The following HGF variants were observed in gnomAD, a reference collection of about 807,000 sequenced individuals.
The protein encoded by HGF is fibroblast-derived tumor cytotoxic factor.
Under a neutral mutation model 111.6 loss-of-function variants are expected in HGF, and 39 were observed. The ratio of observed to expected loss-of-function variants is 0.35; its 90% CI spans 0.27 to 0.46. The LOEUF is 0.46. HGF is among the 20% of genes least tolerant of loss of function. The pLI is 1.00. For synonymous variants in HGF, 285 were observed against 294.8 expected (o/e 0.97, Z 0.34); for missense variants, 735 against 910.5 (o/e 0.81, Z 2.48).
intron 5 of HGF, among the ~76,000 whole-genome samples, chr7:81,749,856 A>G (rs1788419691): frequency 1.3e-5 from 2 of 152,170 alleles, no homozygotes; most frequent in South Asian, 4.1e-4. Flanking sequence ...TTTAAGCATA[A>G]TTACAAAAAT....
At chr7:81,702,809 T>C (rs568588146) in intron 17 of HGF, 52 bp from the exon 18 acceptor site, 29 of 1,454,760 alleles carry the variant, frequency 2.0e-5, no homozygotes, top group Non-Finnish European at 2.5e-5. Context: ...AAAAAAAAGC[T>C]CATTAACATA....
chr7:81,725,120 G>A (rs1181383515), intron 9 of HGF, among the ~76,000 whole-genome samples: 1 of 152,196 alleles, frequency 6.6e-6, no homozygotes, highest in East Asian at 1.9e-4. Context: ...TGCAGCCAGA[G>A]TGATCCAGTT....
intron 2 of HGF, among the ~76,000 whole-genome samples, chr7:81,762,116 T>C (rs1347432999): frequency 6.6e-6 from 1 of 152,188 alleles, no homozygotes; most frequent in Non-Finnish European, 1.5e-5. Flanking sequence ...ACAGGGACTG[T>C]CAAAAGACAT....
At chr7:81,729,473 G>T in intron 8 of HGF, 132 bp downstream of exon 8, 1 of 727,386 alleles carries the variant, frequency 1.4e-6, no homozygotes, top group Non-Finnish European at 2.5e-6. Context: ...GGTGTAATCT[G>T]CCTTTTAACT....
chr7:81,707,267 T>A (rs370927722), intron 14 of HGF, 23 bp downstream of exon 14: 12 of 1,369,340 alleles, frequency 8.8e-6, no homozygotes, highest in Non-Finnish European at 1.3e-5. Context: ...CTCAAAATAA[T>A]ACTAGTTTTA....
intron 17 of HGF, among the ~76,000 whole-genome samples, chr7:81,703,567 A>G (rs908063427): frequency 3.4e-5 from 5 of 148,980 alleles, no homozygotes; most frequent in African/African-American, 1.2e-4. Context: ...TCATATAAAT[A>G]TAATTATATA....
intron 9 of HGF, 46 bp from the exon 10 acceptor site, chr7:81,720,893 G>A (rs776090531): frequency 2.1e-6 from 2 of 975,204 alleles, no homozygotes; most frequent in Non-Finnish European, 1.7e-6. Context: ...TATCAAGGCA[G>A]ATAAAACAAA....
At chr7:81,732,135 A>G (rs1227465401) in intron 7 of HGF, among the ~76,000 whole-genome samples, 1 of 152,144 alleles carries the variant, frequency 6.6e-6, no homozygotes, top group Non-Finnish European at 1.5e-5. Flanking sequence ...CCAGGTGTCA[A>G]TCAGTGCCAT....
At chr7:81,723,649 G>A (rs1290006281) in intron 9 of HGF, among the ~76,000 whole-genome samples, 1 of 150,570 alleles carries the variant, frequency 6.6e-6, no homozygotes, top group Non-Finnish European at 1.5e-5. Flanking sequence ...TTCTTTAATA[G>A]TGTTTTTAAT....
intron 7 of HGF, among the ~76,000 whole-genome samples, chr7:81,741,306 C>T (rs1013364307): frequency 1.3e-5 from 2 of 152,082 alleles, no homozygotes; most frequent in Non-Finnish European, 2.9e-5. Flanking sequence ...AATTAACACC[C>T]TATAAACTCT....
chr7:81,741,966 A>T (rs939193589), intron 7 of HGF, among the ~76,000 whole-genome samples: 1 of 144,620 alleles, frequency 6.9e-6, no homozygotes, highest in Non-Finnish European at 1.5e-5. Context: ...AAAAAAGAGT[A>T]CCTAAACCAC....
At chr7:81,759,455 A>G (rs775687843) in intron 2 of HGF, among the ~76,000 whole-genome samples, 2 of 152,200 alleles carry the variant, frequency 1.3e-5, no homozygotes, top group Non-Finnish European at 2.9e-5. Flanking sequence ...CTTGTTGAGG[A>G]TAACTATTTA....
At chr7:81,746,813 A>G (rs1472880189) in intron 5 of HGF, among the ~76,000 whole-genome samples, 1 of 152,156 alleles carries the variant, frequency 6.6e-6, no homozygotes, top group Non-Finnish European at 1.5e-5. Flanking sequence ...AAATAGCTAC[A>G]TGAATGAAAC....
At chr7:81,742,185 GA>G (rs1290897642) in intron 7 of HGF, among the ~76,000 whole-genome samples, 1 of 152,134 alleles carries the variant, frequency 6.6e-6, no homozygotes, top group Non-Finnish European at 1.5e-5. Context: ...GTTTTACTCT[GA>G]AAGGCTTCCA....
rs1789721292 is a variant in HGF, at chr7:81,716,692, A to G, written c.1405+540T>C. Among the ~76,000 whole-genome samples the G allele has an allele frequency of 2.0e-5, 3 of 152,108 alleles. No individual in the cohort carries two copies. In the South Asian group the frequency reaches 6.2e-4, roughly 32 times the overall value. ...ACATGTATTACATGTTTTTTATATA[A>G]CTTTTACTTTATACACTAATATCTT... On this transcript the variant is annotated intron_variant, in intron 11 of 17. Coordinates refer to ENST00000222390, the MANE Select transcript of HGF (RefSeq NM_000601.6).
At chr7:81,769,797 T>TA in intron 1 of HGF, 87 bp downstream of exon 1, 1 of 980,110 alleles carries the variant, frequency 1.0e-6, no homozygotes, top group Non-Finnish European at 1.6e-6. Flanking sequence ...GGGAATAGGG[T>TA]AAAAAGAGGG....
At position 81,770,035 on chromosome 7, in the gene HGF, G is replaced by T; in HGVS notation, c.-64C>A. 2 of 1,223,658 alleles carry T rather than the reference G, an allele frequency of 1.6e-6. No homozygotes were observed. Among genetic ancestry groups the T allele is most frequent in the South Asian group, 1.3e-5 (1 of 77,484 alleles). The allele number at this position is 1,223,658 out of a possible 1,614,324, so 75.8% of individuals were successfully genotyped here. ...ATGCCTGGGTGAAAGAATCCTGTTCGGAGTCAGTGCCTAAAAGAGCCAGTC... is the reference window on the plus strand; with the variant it reads ...ATGCCTGGGTGAAAGAATCCTGTTCTGAGTCAGTGCCTAAAAGAGCCAGTC... On this transcript the variant is annotated 5_prime_UTR_variant, in exon 1 of 18. Coordinates refer to ENST00000222390, the MANE Select transcript of HGF (RefSeq NM_000601.6).
At chr7:81,759,224 C>G (rs2116209004) in intron 2 of HGF, among the ~76,000 whole-genome samples, 1 of 152,192 alleles carries the variant, frequency 6.6e-6, no homozygotes, top group Middle Eastern at 3.4e-3. Context: ...GATATTTAAG[C>G]TATCTCAATT....
intron 5 of HGF, 40 bp downstream of exon 5, chr7:81,752,080 G>A (rs373485369): frequency 2.3e-5 from 37 of 1,612,246 alleles, no homozygotes; most frequent in Non-Finnish European, 3.0e-5. Flanking sequence ...CTACACATAG[G>A]GGGAATAGAA....
Sources: allele counts gnomAD v4.1 joint callset (sites outside exome capture counted in the v4.1 genomes callset), GRCh38; gene constraint gnomAD v4.1.1; transcripts MANE v1.5; gene names NCBI Gene and HGNC (gene_info 2026-07-23, HGNC 2026-07-21).